The following ZNF804A variants were observed in gnomAD, a reference collection of about 807,000 sequenced individuals.
ZNF804A encodes zinc finger protein 804A.
Under a neutral mutation model 16.5 loss-of-function variants are expected in ZNF804A, and 2 were observed. That is an observed-to-expected ratio of 0.12 (90% CI 0.05 to 0.38). ZNF804A has a LOEUF of 0.38. Ranked by LOEUF, ZNF804A falls within the 10% of genes least tolerant of loss-of-function variation. ZNF804A has a pLI of 0.99. For missense variants in ZNF804A, 1,473 were observed against 1,390.7 expected (o/e 1.06, Z -0.94); for synonymous variants, 534 against 489.6 (o/e 1.09, Z -1.20).
chr2:184,667,066 T>G (rs1574153778), intron 1 of ZNF804A, among the ~76,000 whole-genome samples: 1 of 152,112 alleles, frequency 6.6e-6, no homozygotes, highest in East Asian at 1.9e-4. Flanking sequence ...TTAAATTTAT[T>G]TTGTGGAATG....
chr2:184,640,236 G>A (rs1691772775), intron 1 of ZNF804A, among the ~76,000 whole-genome samples: 1 of 151,466 alleles, frequency 6.6e-6, no homozygotes, highest in Admixed American at 6.6e-5. Context: ...AGGAGGAGGA[G>A]GAGGAAGAGG....
At chr2:184,651,248 G>C (rs1391236347) in intron 1 of ZNF804A, among the ~76,000 whole-genome samples, 1 of 151,882 alleles carries the variant, frequency 6.6e-6, no homozygotes, top group African/African-American at 2.4e-5. Flanking sequence ...ATATACAGAA[G>C]GTGGAAACTA....
chr2:184,839,431 G>A (rs1695401932), intron 1 of ZNF804A, among the ~76,000 whole-genome samples: 1 of 152,002 alleles, frequency 6.6e-6, no homozygotes, highest in African/African-American at 2.4e-5. Context: ...TTAAAATAGT[G>A]TTATTAATTT....
Position 184,621,886 on chromosome 2 carries a change from G to A in ZNF804A, c.111+22816G>A, listed in dbSNP as rs1228239283. ...GAGATTTGATTGGCATATGAGAAAAGAATTGACTGCAATCTGCAATGAAAA... is the reference window on the plus strand; with the variant it reads ...GAGATTTGATTGGCATATGAGAAAAAAATTGACTGCAATCTGCAATGAAAA... On this transcript the variant is annotated intron_variant, in intron 1 of 3. Coordinates refer to ENST00000302277, the MANE Select transcript of ZNF804A (RefSeq NM_194250.2). Among the ~76,000 whole-genome samples, 10 of 151,850 alleles carry A rather than the reference G, an allele frequency of 6.6e-5. No individual in the cohort carries two copies. The East Asian group carries it at 1.9e-3, about 29-fold the overall frequency.
At chr2:184,699,610 C>T (rs557799040) in intron 1 of ZNF804A, among the ~76,000 whole-genome samples, 30 of 152,094 alleles carry the variant, frequency 2.0e-4, no homozygotes, top group African/African-American at 7.2e-4. Flanking sequence ...TAACCAAAAA[C>T]GTAGTCCTGA....
chr2:184,678,354 G>T (rs1011958154), intron 1 of ZNF804A, among the ~76,000 whole-genome samples: 2 of 151,908 alleles, frequency 1.3e-5, no homozygotes, highest in Non-Finnish European at 2.9e-5. Flanking sequence ...ATTCAAAACC[G>T]AATTAAGTTT....
At chr2:184,688,684 G>T (rs1692680824) in intron 1 of ZNF804A, among the ~76,000 whole-genome samples, 1 of 152,098 alleles carries the variant, frequency 6.6e-6, no homozygotes, top group African/African-American at 2.4e-5. Flanking sequence ...TTCTTGAAAA[G>T]CTTTTTTGAA....
chr2:184,669,574 C>A (rs1029303865), intron 1 of ZNF804A, among the ~76,000 whole-genome samples: 2 of 152,066 alleles, frequency 1.3e-5, no homozygotes, highest in Non-Finnish European at 2.9e-5. Flanking sequence ...CCACTACCCA[C>A]ATGAAATGTT....
At chr2:184,862,021 C>T (rs967091970) in intron 1 of ZNF804A, among the ~76,000 whole-genome samples, 2 of 152,112 alleles carry the variant, frequency 1.3e-5, no homozygotes, top group Admixed American at 6.6e-5. Flanking sequence ...GAAGATTGTC[C>T]TTCTTTTTCA....
At chr2:184,798,287 C>T in intron 1 of ZNF804A, among the ~76,000 whole-genome samples, 1 of 151,836 alleles carries the variant, frequency 6.6e-6, no homozygotes, top group East Asian at 1.9e-4. Context: ...ATCTAGGTCT[C>T]TAGCAAGGCC....
chr2:184,643,369 G>T (rs1691822637), intron 1 of ZNF804A, among the ~76,000 whole-genome samples: 1 of 151,814 alleles, frequency 6.6e-6, no homozygotes, highest in Non-Finnish European at 1.5e-5. Flanking sequence ...TAAAAATACT[G>T]TCTAGGAGTC....
chr2:184,849,714 T>G (rs555452096), intron 1 of ZNF804A, among the ~76,000 whole-genome samples: 1 of 151,860 alleles, frequency 6.6e-6, no homozygotes, highest in African/African-American at 2.4e-5. Context: ...TACCATATGA[T>G]TCAGCAATCC....
chr2:184,923,091 TC>T (rs1229905038), intron 2 of ZNF804A, among the ~76,000 whole-genome samples: 1 of 152,008 alleles, frequency 6.6e-6, no homozygotes, highest in African/African-American at 2.4e-5. Context: ...GTGAATAATA[TC>T]ATTGGTATTT....
Position 184,781,071 on chromosome 2 carries a change from C to T in ZNF804A, c.112-85298C>T, listed in dbSNP as rs151046499. On this transcript the variant is annotated intron_variant, in intron 1 of 3. Coordinates refer to ENST00000302277, the MANE Select transcript of ZNF804A (RefSeq NM_194250.2). Reference sequence around the variant, plus strand: ...AGAATCTTGGAAATGTGTGATCTCTCATCCTTGGAGATTAGCAGAAGCCTT... The same window carrying T: ...AGAATCTTGGAAATGTGTGATCTCTTATCCTTGGAGATTAGCAGAAGCCTT... Among the ~76,000 whole-genome samples the T allele has an allele frequency of 9.1e-3, 1,376 of 151,780 alleles. 23 individuals carry two copies. Among genetic ancestry groups the T allele is most frequent in the African/African-American group, 0.032 (1,315 of 41,472 alleles).
chr2:184,844,667 T>C (rs1353058020), intron 1 of ZNF804A, among the ~76,000 whole-genome samples: 1 of 152,032 alleles, frequency 6.6e-6, no homozygotes, highest in African/African-American at 2.4e-5. Flanking sequence ...GCTGTTTGAT[T>C]CTGATATGCT....
At chr2:184,913,248 A>G (rs910592636) in intron 2 of ZNF804A, among the ~76,000 whole-genome samples, 8 of 152,146 alleles carry the variant, frequency 5.3e-5, no homozygotes, top group African/African-American at 9.7e-5. Context: ...TTGTGTATAC[A>G]TTGGCATAGA....
intron 1 of ZNF804A, among the ~76,000 whole-genome samples, chr2:184,851,010 CTAATTTCT>C (rs1695593487): frequency 6.6e-6 from 1 of 151,682 alleles, no homozygotes; most frequent in Non-Finnish European, 1.5e-5. Flanking sequence ...TCTAGTACTT[CTAATTTCT>C]GTTCTGTTTG....
At chr2:184,915,159 T>C (rs1486219148) in intron 2 of ZNF804A, among the ~76,000 whole-genome samples, 1 of 152,038 alleles carries the variant, frequency 6.6e-6, no homozygotes, top group Non-Finnish European at 1.5e-5. Flanking sequence ...AGTAAAATTA[T>C]TCCATATTTA....
chr2:184,604,898 A>G (rs563484913), intron 1 of ZNF804A, among the ~76,000 whole-genome samples: 39 of 152,348 alleles, frequency 2.6e-4, no homozygotes, highest in Non-Finnish European at 4.0e-4. Context: ...AGAAATATAC[A>G]GGGATTTCAG....
Sources: allele counts gnomAD v4.1 joint callset (sites outside exome capture counted in the v4.1 genomes callset), GRCh38; gene constraint gnomAD v4.1.1; transcripts MANE v1.5; gene names NCBI Gene and HGNC (gene_info 2026-07-23, HGNC 2026-07-21).